Variants in ATG9B observed in about 807,000 individuals in gnomAD.
The protein encoded by ATG9B is autophagy-related protein 9B.
In ATG9B, 92 loss-of-function variants were observed where a neutral mutation model predicts 92.9. That is an observed-to-expected ratio of 0.99 (90% confidence interval 0.84 to 1.18). ATG9B has a LOEUF of 1.18. Among genes scored for constraint, ATG9B ranks in the 50% most tolerant of loss-of-function variants. The pLI, the probability that ATG9B is intolerant of heterozygous loss-of-function variation, is 0.00. For missense variants in ATG9B, 1,344 were observed against 1,235.0 expected, an observed-to-expected ratio of 1.09 and a Z score of -1.32; for synonymous variants, 599 against 551.4, an observed-to-expected ratio of 1.09 and a Z score of -1.21.
chr7:151,018,684 C>T lies in ATG9B; in HGVS notation c.1654G>A (p.Val552Met), dbSNP rs1461499694. The change falls in exon 6 of 14, where the codon GTG becomes ATG. Residue 552 changes from valine to methionine, a missense_variant. Val to Met is a conservative substitution (Grantham distance 21, BLOSUM62 1). Coordinates refer to ENST00000639579, the MANE Select transcript of ATG9B (RefSeq NM_001317056.2). The surrounding 1 kb of genome is among the most constrained non-coding windows in gnomAD (Gnocchi z 4.7). ...GTGAGCACGTGCTCCACGGCTAGCA[C>T]GTCCTCGTCGTAGACGGTGAGCACA... ...LLVLTVYDED[V>M]LAVEHVLTAM... 1 of 1,605,112 alleles carries T rather than the reference C, an allele frequency of 6.2e-7. No homozygotes were observed. The highest frequency in any genetic ancestry group is 1.1e-5 in the South Asian group (1 of 90,858).
At chr7:151,016,633 C>T (rs531560456) in intron 10 of ATG9B, 55 bp downstream of exon 10, 3 of 1,546,968 alleles carry the variant, frequency 1.9e-6, no homozygotes, top group South Asian at 1.2e-5. Context: ...CCCACTCCTA[C>T]AGGATCAGCC....
rs375073487 is a variant in ATG9B at position 151,023,919 on chromosome 7, C to G, written c.505G>C (p.Gly169Arg). Residue 169 changes from glycine (G) to arginine (R), a missense_variant, in exon 1 of 14, where the codon GGG (glycine) becomes CGG (arginine). Coordinates refer to ENST00000639579, the MANE Select transcript of ATG9B (RefSeq NM_001317056.2). ...PEGSQDSPIH[G>R]EEQQPLLHVP... The stretch of plus-strand genomic sequence containing the variant: ...TGAAGCAGGGGTTGCTGCTCCTCCC[C>G]GTGGATGGGTGAGTCTTGGGACCCC... The G allele has an allele frequency of 6.2e-7, 1 of 1,600,298 alleles. No homozygotes were observed. The highest frequency in any genetic ancestry group is 8.5e-7 in the Non-Finnish European group (1 of 1,173,758).
At position 151,019,688 on chromosome 7, in the gene ATG9B, G is replaced by T. The variant is rs866186759; in HGVS notation, c.964-314C>A. ...TCCAGGTGCTGGACCTGGCTTCTCA[G>T]CTCCTTAAGGGCCTGAGGCCCCCTC... On this transcript the variant is annotated intron_variant, in intron 5 of 13. Transcript: ENST00000639579. The T allele has an allele frequency of 1.5e-4, 45 of 306,020 alleles. 1 individual carries two copies. Among genetic ancestry groups the T allele is most frequent in the Admixed American group, 5.2e-4 (11 of 21,188 alleles). The allele number at this position is 306,020 out of a possible 1,614,324, so 19.0% of individuals were successfully genotyped here. A position where few individuals can be genotyped will look rare whatever the true frequency, so the allele number is the denominator to read the frequency against.
chr7:151,018,032 G>A lies in ATG9B; in HGVS notation c.1891C>T (p.Leu631Phe), dbSNP rs1485841695. 5.7e-6 allele frequency: 9 copies of A among 1,591,598 alleles called. No homozygotes were observed. Among genetic ancestry groups the A allele is most frequent in the Non-Finnish European group, 7.7e-6 (9 of 1,168,490 alleles). The change falls in exon 8 of 14, where the codon CTC becomes TTC. Residue 631 changes from leucine to phenylalanine, a missense_variant. Physicochemically the swap from Leu to Phe is conservative, Grantham distance 22. Coordinates refer to ENST00000639579, the MANE Select transcript of ATG9B (RefSeq NM_001317056.2). This position sits in a 1 kb window ranked among gnomAD's most constrained non-coding sequence, Gnocchi z 4.7. ...QYRAVSLLEE[L>F]LSPLLTPLFL... ...AGCGGGGTGAGGAGCGGGGACAGGAGCTCCTCCAGGAGGGAGACCTGGGGA... is the reference window on the plus strand; with the variant it reads ...AGCGGGGTGAGGAGCGGGGACAGGAACTCCTCCAGGAGGGAGACCTGGGGA...
rs372226758 is a variant in ATG9B, at chr7:151,017,023, G to T, written c.2289+13C>A. The T allele has an allele frequency of 3.9e-5, 62 of 1,575,232 alleles. No individual in the cohort carries two copies. The highest frequency in any genetic ancestry group is 1.9e-4 in the Middle Eastern group (1 of 5,360). On this transcript the variant is annotated intron_variant, in intron 9 of 13. Transcript: ENST00000639579. ...GGGTGAAGGCAGAAGGGGAGGCCAGGCTTGGGACTCACCAGGGGCGAGGTG... is the reference window on the plus strand; with the variant it reads ...GGGTGAAGGCAGAAGGGGAGGCCAGTCTTGGGACTCACCAGGGGCGAGGTG...
chr7:151,015,915 C>A lies in ATG9B; in HGVS notation c.2756G>T (p.Arg919Leu), dbSNP rs950890773. The part of the protein sequence containing the change: ...VTTDTQKEPD[R>L]ASCTD The stretch of plus-strand genomic sequence containing the variant: ...GTCGTCTCAGTCAGTGCAAGAGGCC[C>A]GGTCAGGCTCCTTCTGGGTGTCTGT... The change falls in exon 13 of 14, where the codon CGG becomes CTG. Residue 919 changes from arginine (R) to leucine (L), a missense_variant. Physicochemically the swap from Arg to Leu is moderately radical, Grantham distance 102. Coordinates refer to ENST00000639579, the MANE Select transcript of ATG9B (RefSeq NM_001317056.2). The A allele has an allele frequency of 1.3e-6, 2 of 1,551,644 alleles. No individual in the cohort carries two copies. Among genetic ancestry groups the A allele is most frequent in the South Asian group, 2.4e-5 (2 of 84,054 alleles).
chr7:151,012,260 C>A, downstream of ATG9B: 39 of 671,694 alleles, frequency 5.8e-5, no homozygotes, highest in Non-Finnish European at 6.2e-5. Context: ...ATGGGAAGAA[C>A]TTGGGTCCTC....
Position 151,018,381 on chromosome 7 carries a change from G to A in ATG9B, c.1785C>T (p.Ala595=), listed in dbSNP as rs1308911503. 2 of 1,590,078 alleles carry A rather than the reference G, an allele frequency of 1.3e-6. No individual in the cohort carries two copies. The highest frequency in any genetic ancestry group is 1.7e-4 in the Middle Eastern group (1 of 5,892). Residue 595 remains alanine, a synonymous_variant, in exon 7 of 14, where the codon GCC becomes GCT. Coordinates refer to ENST00000639579, the MANE Select transcript of ATG9B (RefSeq NM_001317056.2). This position sits in a 1 kb window ranked among gnomAD's most constrained non-coding sequence, Gnocchi z 4.7. Reference sequence around the variant, plus strand: ...GCTCCTCCGGGAGGTAGTGCATGTGGGCCAGGGCTGTCTGCAGCAGGAGCT... The same window carrying A: ...GCTCCTCCGGGAGGTAGTGCATGTGAGCCAGGGCTGTCTGCAGCAGGAGCT... ...APQLLLQTAL[A]HMHYLPEEPG...
intron 13 of ATG9B, 33 bp downstream of exon 13, chr7:151,015,849 T>G: frequency 6.5e-7 from 1 of 1,533,878 alleles, no homozygotes; most frequent in Non-Finnish European, 8.8e-7. Flanking sequence ...TATGCCGTCC[T>G]TTCTCCCTCC....
Position 151,023,676 on chromosome 7 carries a change from G to A in ATG9B, c.594+11C>T, listed in dbSNP as rs554917480. On this transcript the variant is annotated intron_variant, in intron 2 of 13. Coordinates refer to ENST00000639579, the MANE Select transcript of ATG9B (RefSeq NM_001317056.2). The stretch of plus-strand genomic sequence containing the variant: ...CCCATGCCACCTCTGCAGGCCTAGC[G>A]CAAAGGATATCTTGGTGAAGAAACT... 2.7e-5 allele frequency: 44 copies of A among 1,613,864 alleles called. 1 individual carries two copies. The highest frequency in any genetic ancestry group is 6.7e-5 in the East Asian group (3 of 44,894).
chr7:151,016,600 A>G lies in ATG9B; in HGVS notation c.2424-73T>C. 5 of 1,543,744 alleles carry G rather than the reference A, an allele frequency of 3.2e-6. No homozygotes were observed. The South Asian group carries it at 4.8e-5, about 15-fold the overall frequency. On this transcript the variant is annotated intron_variant, in intron 10 of 13. Transcript: ENST00000639579. ...ACACCCCAGAGGACTCCCCTTCTGA[A>G]TCCCCCCTCAGCGCCCCAGCTCCCC... is the stretch of plus-strand genomic sequence containing the variant.
In ATG9B at chr7:151,021,296, CAGG is replaced by C. The variant is rs775930182; in HGVS notation, c.852_854del (p.Leu285del). 1.1e-5 allele frequency: 18 copies of C among 1,612,970 alleles called. No individual in the cohort carries two copies. In the African/African-American group the frequency reaches 1.9e-4, roughly 17 times the overall value. On this transcript the variant is annotated inframe_deletion, in exon 5 of 14. Coordinates refer to ENST00000639579, the MANE Select transcript of ATG9B (RefSeq NM_001317056.2). ...CCAGCCAGAAGCCGGCAGCCAGGAC[CAGG>C]AGGAGGACCAGCAGCGGGCTGGAGC... is the stretch of plus-strand genomic sequence containing the variant.
downstream of ATG9B, chr7:151,014,713 A>ATTCTC (rs1795411774): frequency 6.7e-6 from 1 of 150,238 alleles, no homozygotes; most frequent in Non-Finnish European, 1.5e-5. Context: ...AGTTCAAGTG[A>ATTCTC]TTCTCCTGCC....
At position 151,018,090 on chromosome 7, in the gene ATG9B, G is replaced by C; in HGVS notation, c.1873-40C>G. The C allele has an allele frequency of 6.5e-7, 1 of 1,535,562 alleles. No homozygotes were observed. The highest frequency in any genetic ancestry group is 2.0e-4 in the Middle Eastern group (1 of 4,924). On this transcript the variant is annotated intron_variant, in intron 7 of 13. Coordinates refer to ENST00000639579, the MANE Select transcript of ATG9B (RefSeq NM_001317056.2). The surrounding 1 kb of genome is among the most constrained non-coding windows in gnomAD (Gnocchi z 4.7). ...GTGAGGCTGAGCAGGGGTCGCTGAG[G>C]GGCCCACGCGCGTTATCAGGACCAA...
At position 151,016,103 on chromosome 7, in the gene ATG9B, C is replaced by T. The variant is rs1795469289; in HGVS notation, c.2647+6G>A. The stretch of plus-strand genomic sequence containing the variant: ...CTCTGTCCCCTGCAGGCCCCACCCT[C>T]CTCACCGTCACTTGACCAGGATGGC... On this transcript the variant is annotated splice_donor_region_variant and intron_variant, in intron 12 of 13. Transcript: ENST00000639579. 1 of 1,537,022 alleles carries T rather than the reference C, an allele frequency of 6.5e-7. No homozygotes were observed. Among genetic ancestry groups the T allele is most frequent in the African/African-American group, 1.4e-5 (1 of 72,714 alleles).
At chr7:151,014,596 TAC>T (rs1420191743), downstream of ATG9B, 2 of 164,982 alleles carry the variant, frequency 1.2e-5, no homozygotes, top group South Asian at 2.1e-4. Context: ...TCATGTGGAT[TAC>T]AGTTTTTTTT....
At position 151,018,222 on chromosome 7, in the gene ATG9B, C is replaced by G; in HGVS notation, c.1872+72G>C. ...CATGCCCTCTCCCAGACAGACCCTC[C>G]GCGCAGACAGACCCTCCGCGCAGAC... On this transcript the variant is annotated intron_variant, in intron 7 of 13. Transcript: ENST00000639579. This position sits in a 1 kb window ranked among gnomAD's most constrained non-coding sequence, Gnocchi z 4.7. 6.7e-7 allele frequency: 1 copy of G among 1,486,846 alleles called. No homozygotes were observed. The allele number at this position is 1,486,846 out of a possible 1,614,324, so 92.1% of individuals were successfully genotyped here.
downstream of ATG9B, chr7:151,014,136 C>T (rs915666995): frequency 3.7e-6 from 6 of 1,610,982 alleles, no homozygotes; most frequent in African/African-American, 8.0e-5. Flanking sequence ...CCTGGGCGTT[C>T]GACCCTCCCG....
At chr7:151,012,701 C>G (rs13420), downstream of ATG9B, 1,416 of 489,590 alleles carry the variant, frequency 2.9e-3, 3 homozygotes, top group Middle Eastern at 7.2e-3. Context: ...GGATTGAGGA[C>G]AAAGGAAAAT....
Sources: gnomAD v4.1 joint callset for allele counts on GRCh38, gnomAD v4.1.1 for gene constraint, Gnocchi (gnomAD v3.1) non-coding constraint, MANE v1.5 for transcripts, NCBI Gene and HGNC (gene_info 2026-07-23, HGNC 2026-07-21) for gene names.